The following NPHP4 variants were observed in gnomAD, a reference collection of about 807,000 sequenced individuals.
NPHP4 encodes the protein nephrocystin-4.
NPHP4 carries 151 observed loss-of-function variants against 155.8 expected under a neutral mutation model. That is an observed-to-expected ratio of 0.97 (90% confidence interval 0.85 to 1.11). NPHP4 has a LOEUF of 1.11. NPHP4 is among the 50% of genes least tolerant of loss of function. The pLI is 0.00. For missense variants in NPHP4, 1,956 were observed against 1,925.7 expected, an observed-to-expected ratio of 1.02 and a Z score of -0.29; for synonymous variants, 845 against 816.8, an observed-to-expected ratio of 1.03 and a Z score of -0.59.
intron 11 of NPHP4, among the ~76,000 whole-genome samples, chr1:5,922,868 A>G (rs1419304135): frequency 6.6e-6 from 1 of 151,894 alleles, no homozygotes; most frequent in East Asian, 1.9e-4. Flanking sequence ...GCACGGTGGC[A>G]CTCCCTGTAG....
At position 5,948,112 on chromosome 1, in the gene NPHP4, G is replaced by A. The variant is rs1421881491; in HGVS notation, c.950C>T (p.Ser317Leu). The change falls in exon 8 of 30, where the codon TCA (serine) becomes TTA (leucine). Residue 317 changes from serine to leucine, a missense_variant. Coordinates refer to ENST00000378156, the MANE Select transcript of NPHP4 (RefSeq NM_015102.5). ...GACCACTTTCCTGCTGAAGCTAGCT[G>A]AGCGCGTCAAGGCCACATCCATCTC... Reference protein sequence around the residue: ...VPEMDVALTRSASFSRKVVSS... With the variant: ...VPEMDVALTRLASFSRKVVSS... The A allele has an allele frequency of 3.1e-6, 5 of 1,613,898 alleles. No individual in the cohort carries two copies. Among genetic ancestry groups the A allele is most frequent in the Admixed American group, 1.7e-5 (1 of 60,024 alleles).
At chr1:5,979,569 G>C (rs938505684) in intron 2 of NPHP4, among the ~76,000 whole-genome samples, 2 of 152,042 alleles carry the variant, frequency 1.3e-5, no homozygotes, top group South Asian at 2.1e-4. Flanking sequence ...AAAGGGTCTC[G>C]TCTGTCACCC....
intron 9 of NPHP4, among the ~76,000 whole-genome samples, chr1:5,936,128 T>C (rs146633193): frequency 3.2e-4 from 49 of 151,054 alleles, no homozygotes; most frequent in Middle Eastern, 6.8e-3. Flanking sequence ...TCTCCATCAG[T>C]AGATGATCTC....
intron 1 of NPHP4, among the ~76,000 whole-genome samples, chr1:5,986,668 T>C (rs1446021643): frequency 6.6e-6 from 1 of 152,180 alleles, no homozygotes; most frequent in Non-Finnish European, 1.5e-5. Context: ...TGTATCCTTG[T>C]CAACTTTGAA....
chr1:5,868,604 G>T (rs1303365623), intron 23 of NPHP4, among the ~76,000 whole-genome samples: 1 of 140,562 alleles, frequency 7.1e-6, no homozygotes, highest in East Asian at 2.2e-4. Context: ...CCACATGCAT[G>T]CAGGCACACG....
At chr1:5,887,550 G>T in intron 17 of NPHP4, 84 bp from the exon 18 acceptor site, 2 of 1,455,244 alleles carry the variant, frequency 1.4e-6, no homozygotes, top group Non-Finnish European at 1.9e-6. Context: ...CTGCTCCCCA[G>T]CCCAGCAGGA....
rs547705909 is a variant in NPHP4, at chr1:5,867,064, C to A, written c.3524G>T (p.Ser1175Ile). The A allele has an allele frequency of 5.6e-6, 9 of 1,613,238 alleles. No individual in the cohort carries two copies. Among genetic ancestry groups the A allele is most frequent in the Non-Finnish European group, 6.8e-6 (8 of 1,179,602 alleles). Residue 1175 changes from serine to isoleucine, a missense_variant, in exon 25 of 30, where the codon AGC (serine) becomes ATC (isoleucine). Ser to Ile is a moderately radical substitution (Grantham distance 142). Coordinates refer to ENST00000378156, the MANE Select transcript of NPHP4 (RefSeq NM_015102.5). This position sits in a 1 kb window ranked among gnomAD's most constrained non-coding sequence, Gnocchi z 4.1. ...GGTCTCACAGATGACGTTCGGGTCG[C>A]TGCAGCGAACATGGACTGGGGGGTC... is the stretch of plus-strand genomic sequence containing the variant. ...GEDPPVHVRC[S>I]DPNVICETQN...
intron 9 of NPHP4, among the ~76,000 whole-genome samples, chr1:5,938,862 C>T (rs1490897163): frequency 6.6e-6 from 1 of 152,162 alleles, no homozygotes; most frequent in African/African-American, 2.4e-5. Context: ...ATTCATCAAA[C>T]GAATCTTCGG....
chr1:5,868,968 C>T (rs1641645733), intron 23 of NPHP4, among the ~76,000 whole-genome samples: 2 of 145,080 alleles, frequency 1.4e-5, no homozygotes, highest in Non-Finnish European at 3.1e-5. Context: ...TGCACACACA[C>T]ATGCACACAC....
intron 7 of NPHP4, among the ~76,000 whole-genome samples, chr1:5,948,618 C>T (rs1488486273): frequency 6.6e-6 from 1 of 152,172 alleles, no homozygotes; most frequent in East Asian, 1.9e-4. Context: ...CAAGGTCCCA[C>T]AGCCCACTCC....
In NPHP4 at chr1:5,877,763, G is replaced by T. The variant is rs1642772316; in HGVS notation, c.2612-465C>A. On this transcript the variant is annotated intron_variant, in intron 19 of 29. Coordinates refer to ENST00000378156, the MANE Select transcript of NPHP4 (RefSeq NM_015102.5). Reference sequence around the variant, plus strand: ...AGGCGATGAAGCTCAGAGCAGGCCTGGCCCCCAAGCTCCTGCTCTCAACTC... The same window carrying T: ...AGGCGATGAAGCTCAGAGCAGGCCTTGCCCCCAAGCTCCTGCTCTCAACTC... Among the ~76,000 whole-genome samples, 4 of 152,192 alleles carry T rather than the reference G, an allele frequency of 2.6e-5. No individual in the cohort carries two copies. In the South Asian group the frequency reaches 8.3e-4, roughly 31 times the overall value.
chr1:5,951,896 G>A (rs531917869), intron 7 of NPHP4, among the ~76,000 whole-genome samples: 1 of 152,208 alleles, frequency 6.6e-6, no homozygotes, highest in Admixed American at 6.5e-5. Context: ...GCATCGCTGG[G>A]ACGGAGCCGG....
At chr1:5,986,681 A>G (rs1274508779) in intron 1 of NPHP4, among the ~76,000 whole-genome samples, 1 of 152,148 alleles carries the variant, frequency 6.6e-6, no homozygotes, top group Non-Finnish European at 1.5e-5. Flanking sequence ...ACTTTGAACT[A>G]TGCGAATTAC....
chr1:5,971,562 G>A (rs1238740553), intron 3 of NPHP4, among the ~76,000 whole-genome samples: 1 of 152,216 alleles, frequency 6.6e-6, no homozygotes, highest in Non-Finnish European at 1.5e-5. Context: ...AGATGAGGCA[G>A]GCACAAAACT....
At chr1:5,891,141 C>G (rs1369850456) in intron 16 of NPHP4, 113 bp from the exon 17 acceptor site, 2 of 655,850 alleles carry the variant, frequency 3.0e-6, no homozygotes, top group Non-Finnish European at 4.8e-6. Flanking sequence ...TCTGTCATAG[C>G]TACAGTTAAT....
At chr1:5,916,911 AAAAG>A (rs1158072474) in intron 11 of NPHP4, among the ~76,000 whole-genome samples, 6 of 152,262 alleles carry the variant, frequency 3.9e-5, no homozygotes, top group East Asian at 1.9e-4. Flanking sequence ...CTTCTCAAAC[AAAAG>A]AAAGAGTCAC....
chr1:5,866,305 G>A, intron 26 of NPHP4, 68 bp downstream of exon 26: 1 of 1,030,872 alleles, frequency 9.7e-7, no homozygotes, highest in Non-Finnish European at 1.5e-6. Flanking sequence ...CAATCCACCA[G>A]CAGCCCCAGG....
intron 10 of NPHP4, among the ~76,000 whole-genome samples, chr1:5,931,338 C>T (rs1463689831): frequency 9.9e-5 from 15 of 151,002 alleles, no homozygotes. Context: ...TTTGGTTTCC[C>T]AGTGCATTTA....
chr1:5,868,732 CATGCATGCACCCACACATGTACACAT>C (rs376500320), intron 23 of NPHP4, among the ~76,000 whole-genome samples: 26,581 of 148,474 alleles, frequency 0.18, 2,321 homozygotes, highest in African/African-American at 0.2. Flanking sequence ...TGCACGCCCA[CATGCATGCACCCACACATGTACACAT>C]ATGCATGCAC....
Sources: gnomAD v4.1 joint callset for allele counts (sites outside exome capture counted in the v4.1 genomes callset) on GRCh38, gnomAD v4.1.1 for gene constraint, Gnocchi (gnomAD v3.1) non-coding constraint, MANE v1.5 for transcripts, NCBI Gene and HGNC (gene_info 2026-07-23, HGNC 2026-07-21) for gene names.